The following RBM46 variants were observed in gnomAD, a reference collection of about 807,000 sequenced individuals.
The protein encoded by RBM46 is RNA binding motif protein 46.
Under a neutral mutation model 43.3 loss-of-function variants are expected in RBM46, and 12 were observed. The observed-to-expected ratio is 0.28, with a 90% CI of 0.18 to 0.45. RBM46 has a LOEUF of 0.45. RBM46 is among the 20% of genes least tolerant of loss of function. The pLI, the probability that RBM46 is intolerant of heterozygous loss-of-function variation, is 1.00. For missense variants in RBM46, 412 were observed against 639.1 expected (o/e 0.64, Z 3.83); for synonymous variants, 205 against 207.6 (o/e 0.99, Z 0.11).
chr4:154,828,057 CCTT>C lies in RBM46; in HGVS notation c.1598_1600del (p.Phe533del), dbSNP rs1736052368. The C allele has an allele frequency of 1.9e-6, 3 of 1,609,266 alleles. No individual in the cohort carries two copies. In the South Asian group the frequency reaches 3.3e-5, roughly 18 times the overall value. ...CGGCTATGTATCTCCAATCAGGCCT[CCTT>C]CTTCTGAAGAAAATACTAACATTAG... On this transcript the variant is annotated inframe_deletion, in exon 5 of 5. Transcript: ENST00000281722.
intron 1 of RBM46, among the ~76,000 whole-genome samples, chr4:154,791,057 G>T (rs930170735): frequency 6.6e-6 from 1 of 152,160 alleles, no homozygotes; most frequent in African/African-American, 2.4e-5. Context: ...GATAATGAGA[G>T]AACATAAACT....
At chr4:154,792,926 A>G (rs1472917697) in intron 1 of RBM46, among the ~76,000 whole-genome samples, 2 of 152,176 alleles carry the variant, frequency 1.3e-5, no homozygotes, top group African/African-American at 4.8e-5. Context: ...AGGGCTTTTT[A>G]TTTAATTGAG....
rs1165260147 is a variant in RBM46 at position 154,796,808 on chromosome 4, T to G, written c.56T>G (p.Ile19Ser). 1 of 1,613,602 alleles carries G rather than the reference T, an allele frequency of 6.2e-7. No homozygotes were observed. The highest frequency in any genetic ancestry group is 8.5e-7 in the Non-Finnish European group (1 of 1,179,594). Reference sequence around the variant, plus strand: ...GGATGCAGTAAAGTTCGAACTGGTATTCAGAATGAAGCAGCATTACTTGCT... The same window carrying G: ...GGATGCAGTAAAGTTCGAACTGGTAGTCAGAATGAAGCAGCATTACTTGCT... ...TNGCSKVRTG[I>S]QNEAALLALM... Residue 19 changes from isoleucine (I) to serine (S), a missense_variant, in exon 2 of 5, where the codon ATT (isoleucine) becomes AGT (serine). Physicochemically the swap from Ile to Ser is moderately radical, Grantham distance 142 (BLOSUM62 -2). Around this residue, in one of 8 missense-constraint regions of RBM46, gnomAD observed 23 missense variants for 22.9 expected, o/e 1.00. Coordinates refer to ENST00000281722, the MANE Select transcript of RBM46 (RefSeq NM_144979.5).
intron 1 of RBM46, among the ~76,000 whole-genome samples, chr4:154,782,972 A>T (rs1402455123): frequency 6.6e-6 from 1 of 152,240 alleles, no homozygotes; most frequent in African/African-American, 2.4e-5. Context: ...CGATGTATAT[A>T]CAGTTTGACA....
chr4:154,785,296 A>T (rs1263425749), intron 1 of RBM46, among the ~76,000 whole-genome samples: 1 of 152,042 alleles, frequency 6.6e-6, no homozygotes, highest in Non-Finnish European at 1.5e-5. Flanking sequence ...TAATCTCTTT[A>T]AAAATAGAAC....
chr4:154,797,117 A>T (rs112143403), intron 2 of RBM46, among the ~76,000 whole-genome samples: 1 of 152,054 alleles, frequency 6.6e-6, no homozygotes, highest in Non-Finnish European at 1.5e-5. Flanking sequence ...GAAGCAGTTG[A>T]GAAAGAAGCT....
intron 1 of RBM46, among the ~76,000 whole-genome samples, chr4:154,794,294 C>T (rs1266558408): frequency 6.6e-6 from 1 of 151,236 alleles, no homozygotes; most frequent in African/African-American, 2.4e-5. Flanking sequence ...CTTTCTCCTG[C>T]CTCAGCCTCC....
intron 1 of RBM46, among the ~76,000 whole-genome samples, chr4:154,785,022 G>T (rs1210142917): frequency 6.6e-6 from 1 of 152,062 alleles, no homozygotes; most frequent in Admixed American, 6.5e-5. Context: ...TTAAAGTTAG[G>T]TAATTTTGAA....
chr4:154,785,916 T>A (rs1018682800), intron 1 of RBM46, among the ~76,000 whole-genome samples: 1 of 152,232 alleles, frequency 6.6e-6, no homozygotes, highest in Non-Finnish European at 1.5e-5. Context: ...CTTGCAGTTG[T>A]AATATTACTA....
intron 4 of RBM46, among the ~76,000 whole-genome samples, chr4:154,800,584 GT>G (rs1734585336): frequency 1.3e-5 from 2 of 152,168 alleles, no homozygotes; most frequent in South Asian, 4.1e-4. Context: ...CCTACTTTCT[GT>G]TTTTTACTGT....
chr4:154,806,846 G>A (rs1734930630), intron 4 of RBM46, among the ~76,000 whole-genome samples: 2 of 151,760 alleles, frequency 1.3e-5, no homozygotes, highest in South Asian at 4.1e-4. Flanking sequence ...GAGGATCTAG[G>A]AAAATAATGA....
chr4:154,784,678 A>G (rs1236176379), intron 1 of RBM46, among the ~76,000 whole-genome samples: 2 of 152,214 alleles, frequency 1.3e-5, no homozygotes, highest in East Asian at 1.9e-4. Flanking sequence ...TTTGTCTGCA[A>G]AACCATTTTT....
At chr4:154,808,211 T>C (rs138504839) in intron 4 of RBM46, among the ~76,000 whole-genome samples, 12 of 152,172 alleles carry the variant, frequency 7.9e-5, no homozygotes, top group African/African-American at 2.9e-4. Flanking sequence ...TGTACACAAA[T>C]TCAAGGGATT....
At chr4:154,809,900 A>G (rs1262770348) in intron 4 of RBM46, among the ~76,000 whole-genome samples, 2 of 152,130 alleles carry the variant, frequency 1.3e-5, no homozygotes, top group East Asian at 3.9e-4. Flanking sequence ...ATGATTAGGA[A>G]AATAAAGCCA....
chr4:154,784,446 A>T (rs1733659412), intron 1 of RBM46, among the ~76,000 whole-genome samples: 1 of 152,240 alleles, frequency 6.6e-6, no homozygotes, highest in South Asian at 2.1e-4. Flanking sequence ...TATAGTTAGC[A>T]CTTAAAGATA....
In RBM46 at chr4:154,798,913, A is replaced by G. The variant is rs766336916; in HGVS notation, c.751A>G (p.Thr251Ala). The change falls in exon 4 of 5, where the codon ACA becomes GCA. Residue 251 changes from threonine (T) to alanine (A), a missense_variant. Physicochemically the swap from Thr to Ala is moderately conservative, Grantham distance 58. Coordinates refer to ENST00000281722, the MANE Select transcript of RBM46 (RefSeq NM_144979.5). ...RNLMISTTEETIKAEFNKFKP... is the reference protein window; with the variant it reads ...RNLMISTTEEAIKAEFNKFKP... ...TTTAATGATCTCAACTACAGAGGAA[A>G]CAATTAAAGCAGAATTCAATAAATT... The G allele has an allele frequency of 6.8e-6, 11 of 1,613,476 alleles. No individual in the cohort carries two copies. In the East Asian group the frequency reaches 8.9e-5, roughly 13 times the overall value.
At chr4:154,804,188 A>G (rs1734791988) in intron 4 of RBM46, among the ~76,000 whole-genome samples, 1 of 152,314 alleles carries the variant, frequency 6.6e-6, no homozygotes, top group South Asian at 2.1e-4. Context: ...TAAATTACCC[A>G]GTCTCAGGTA....
chr4:154,784,697 A>G (rs1437011510), intron 1 of RBM46, among the ~76,000 whole-genome samples: 2 of 152,166 alleles, frequency 1.3e-5, no homozygotes, highest in South Asian at 2.1e-4. Context: ...TTGACATTCT[A>G]CTCAGGATCC....
At chr4:154,782,155 G>C (rs1044804172) in intron 1 of RBM46, among the ~76,000 whole-genome samples, 1 of 152,206 alleles carries the variant, frequency 6.6e-6, no homozygotes, top group Non-Finnish European at 1.5e-5. Context: ...ACACACGGAC[G>C]GCAGCACACG....
Sources: gnomAD v4.1 joint callset for allele counts (sites outside exome capture counted in the v4.1 genomes callset) on GRCh38, gnomAD v4.1.1 for gene constraint, gnomAD v4.1.1 regional missense constraint, MANE v1.5 for transcripts, NCBI Gene and HGNC (gene_info 2026-07-23, HGNC 2026-07-21) for gene names.